Variants in CHN2 observed in about 807,000 individuals in gnomAD.
The protein encoded by CHN2 is chimerin 2.
Under a neutral mutation model 56.3 loss-of-function variants are expected in CHN2, and 35 were observed. That is an observed-to-expected ratio of 0.62 (90% CI 0.47 to 0.82). The LOEUF is 0.82. CHN2 is among the 40% of genes least tolerant of loss of function. The pLI is 0.00. For missense variants in CHN2, 491 were observed against 580.5 expected (o/e 0.85, Z 1.58); for synonymous variants, 210 against 212.8 (o/e 0.99, Z 0.12).
intron 1 of CHN2, among the ~76,000 whole-genome samples, chr7:29,344,369 G>A (rs1200726762): frequency 6.6e-6 from 1 of 152,144 alleles, no homozygotes; most frequent in Non-Finnish European, 1.5e-5. Context: ...TTTAGAAGAG[G>A]TAAGTCCTTA....
At chr7:29,504,100 G>A (rs1790280991) in intron 9 of CHN2, among the ~76,000 whole-genome samples, 1 of 152,158 alleles carries the variant, frequency 6.6e-6, no homozygotes. Flanking sequence ...TAATTAAACA[G>A]TTAACATAGT....
At chr7:29,398,756 G>A (rs1443694093) in intron 5 of CHN2, among the ~76,000 whole-genome samples, 1 of 116,098 alleles carries the variant, frequency 8.6e-6, no homozygotes, top group Non-Finnish European at 1.7e-5. Flanking sequence ...CACCATGACT[G>A]GCTAATTTTT....
chr7:29,421,716 C>T (rs1455863663), intron 6 of CHN2, among the ~76,000 whole-genome samples: 5 of 152,170 alleles, frequency 3.3e-5, no homozygotes, highest in African/African-American at 7.2e-5. Context: ...ATAGAATGTA[C>T]GTGAATGTCC....
chr7:29,512,212 T>TG (rs1361832044), intron 12 of CHN2, among the ~76,000 whole-genome samples: 1 of 151,158 alleles, frequency 6.6e-6, no homozygotes, highest in Non-Finnish European at 1.5e-5. Context: ...ATAAGGCCTA[T>TG]GAAAGGACCA....
intron 2 of CHN2, among the ~76,000 whole-genome samples, chr7:29,160,937 CT>C (rs1455098789): frequency 1.3e-5 from 2 of 152,144 alleles, no homozygotes; most frequent in Admixed American, 6.5e-5. Context: ...TCTGTCACCC[CT>C]GAGATAATAT....
chr7:29,184,327 C>T (rs1283974807), intron 2 of CHN2: 2 of 151,514 alleles, frequency 1.3e-5, no homozygotes, highest in African/African-American at 2.4e-5. Context: ...ATATCTCATA[C>T]ATCTATGTAT....
chr7:29,406,559 C>G lies in CHN2; in HGVS notation c.576+5731C>G, dbSNP rs562641500. ...TAGAACCTGCCACACTCAGCCTCCC[C>G]TCCCCTCCCCGCCCTGGCATGCTGC... On this transcript the variant is annotated intron_variant, in intron 6 of 12. Coordinates refer to ENST00000222792, the MANE Select transcript of CHN2 (RefSeq NM_004067.4). Among the ~76,000 whole-genome samples the G allele has an allele frequency of 3.9e-5, 6 of 152,220 alleles. No homozygotes were observed. In the South Asian group the frequency reaches 1.2e-3, roughly 32 times the overall value.
intron 7 of CHN2, among the ~76,000 whole-genome samples, chr7:29,490,638 A>G (rs1306367354): frequency 1.3e-5 from 2 of 152,202 alleles, no homozygotes; most frequent in African/African-American, 2.4e-5. Context: ...TCCTTCCCCC[A>G]TTAATTTGTA....
At chr7:29,228,172 A>G (rs1297499394) in intron 1 of CHN2, among the ~76,000 whole-genome samples, 1 of 150,902 alleles carries the variant, frequency 6.6e-6, no homozygotes, top group Non-Finnish European at 1.5e-5. Context: ...ACACACACAC[A>G]CACACGTGTG....
At chr7:29,504,264 C>G (rs1055907859) in intron 9 of CHN2, among the ~76,000 whole-genome samples, 1 of 152,050 alleles carries the variant, frequency 6.6e-6, no homozygotes, top group Admixed American at 6.6e-5. Flanking sequence ...GCTAGGTACC[C>G]CATTTGCGCT....
At chr7:29,220,403 A>C (rs1250951436) in intron 1 of CHN2, among the ~76,000 whole-genome samples, 1 of 152,076 alleles carries the variant, frequency 6.6e-6, no homozygotes, top group African/African-American at 2.4e-5. Flanking sequence ...AATATAATTG[A>C]TACATCTCTA....
At chr7:29,212,307 G>A in intron 1 of CHN2, 1 of 1,240,316 alleles carries the variant, frequency 8.1e-7, no homozygotes, top group Non-Finnish European at 1.2e-6. Flanking sequence ...TAACATGAGT[G>A]TGGATCTGGC....
chr7:29,479,090 A>G (rs186383790), intron 6 of CHN2, among the ~76,000 whole-genome samples: 1 of 152,164 alleles, frequency 6.6e-6, no homozygotes, highest in South Asian at 2.1e-4. Context: ...CATTAGCTGC[A>G]TTAATCTTCA....
intron 6 of CHN2, among the ~76,000 whole-genome samples, chr7:29,407,622 CTA>C (rs767073466): frequency 8.5e-5 from 13 of 152,114 alleles, no homozygotes; most frequent in Non-Finnish European, 1.9e-4. Context: ...CATAACTTAG[CTA>C]TTATAGTAGG....
At chr7:29,505,988 C>G (rs1046668454) in intron 10 of CHN2, among the ~76,000 whole-genome samples, 1 of 152,106 alleles carries the variant, frequency 6.6e-6, no homozygotes, top group Admixed American at 6.6e-5. Flanking sequence ...TCTTCAGAAC[C>G]AAATTTGCTG....
At chr7:29,367,759 C>T (rs1383150907) in intron 2 of CHN2, among the ~76,000 whole-genome samples, 173 bp from the exon 3 acceptor site, 3 of 152,212 alleles carry the variant, frequency 2.0e-5, no homozygotes, top group African/African-American at 7.2e-5. Context: ...GACTAATTTC[C>T]ATATAAATAA....
chr7:29,461,524 A>G (rs1785161200), intron 6 of CHN2, among the ~76,000 whole-genome samples: 1 of 152,070 alleles, frequency 6.6e-6, no homozygotes, highest in Admixed American at 6.5e-5. Flanking sequence ...ATAAATGTTT[A>G]TATTCTCGGG....
At chr7:29,319,434 A>G (rs1031219548) in intron 1 of CHN2, among the ~76,000 whole-genome samples, 2 of 138,450 alleles carry the variant, frequency 1.4e-5, no homozygotes, top group Non-Finnish European at 1.6e-5. Flanking sequence ...AAAGTCAACT[A>G]TCACCTTATT....
chr7:29,437,184 C>T (rs2128120267), intron 6 of CHN2, among the ~76,000 whole-genome samples: 1 of 152,198 alleles, frequency 6.6e-6, no homozygotes, highest in Non-Finnish European at 1.5e-5. Context: ...TTAAATATTA[C>T]ATCTTCATTG....
Sources: gnomAD v4.1 joint callset for allele counts (sites outside exome capture counted in the v4.1 genomes callset) on GRCh38, gnomAD v4.1.1 for gene constraint, MANE v1.5 for transcripts, NCBI Gene and HGNC (gene_info 2026-07-23, HGNC 2026-07-21) for gene names.